GALNTL6: variants seen among roughly 807,000 people sequenced by gnomAD.
GALNTL6 encodes polypeptide N-acetylgalactosaminyltransferase like 6.
A neutral mutation model predicts 73.7 loss-of-function variants in GALNTL6; 46 were observed. The observed-to-expected ratio is 0.62, with a 90% CI of 0.49 to 0.80. The LOEUF (loss-of-function observed/expected upper bound fraction) is 0.80. GALNTL6 is among the 30% of genes least tolerant of loss of function. GALNTL6 has a pLI of 0.00. For missense variants in GALNTL6, 604 were observed against 755.0 expected (o/e 0.80, Z 2.34); for synonymous variants, 259 against 263.7 (o/e 0.98, Z 0.17).
At chr4:173,032,323 T>C (rs1261481122) in intron 12 of GALNTL6, among the ~76,000 whole-genome samples, 4 of 152,120 alleles carry the variant, frequency 2.6e-5, no homozygotes, top group Admixed American at 6.5e-5. Context: ...TGGTGGCGGA[T>C]GACTGTAGTC....
At chr4:172,644,327 A>G (rs922345598) in intron 5 of GALNTL6, among the ~76,000 whole-genome samples, 176 of 152,104 alleles carry the variant, frequency 1.2e-3, no homozygotes, top group African/African-American at 4.0e-3. Flanking sequence ...ACACACACAC[A>G]CAAACCTATG....
chr4:172,395,234 C>A (rs1267294333), intron 5 of GALNTL6, among the ~76,000 whole-genome samples: 1 of 152,112 alleles, frequency 6.6e-6, no homozygotes, highest in Non-Finnish European at 1.5e-5. Context: ...TGTAAAGTTT[C>A]ATACAATAGT....
chr4:172,599,827 CTACT>C (rs1328829438), intron 5 of GALNTL6, among the ~76,000 whole-genome samples: 1 of 152,010 alleles, frequency 6.6e-6, no homozygotes, highest in East Asian at 1.9e-4. Context: ...ATAGAAAATG[CTACT>C]TAGTCACATT....
intron 5 of GALNTL6, among the ~76,000 whole-genome samples, chr4:172,717,998 C>T (rs1468169346): frequency 1.3e-5 from 2 of 152,154 alleles, no homozygotes; most frequent in Non-Finnish European, 2.9e-5. Flanking sequence ...ATTTATACAA[C>T]TATAGTTTCA....
At chr4:172,087,369 CG>C (rs1161461118) in intron 2 of GALNTL6, among the ~76,000 whole-genome samples, 1 of 147,570 alleles carries the variant, frequency 6.8e-6, no homozygotes, top group Admixed American at 6.9e-5. Context: ...GGCGTGAACC[CG>C]GGAGGCGGAG....
chr4:172,483,691 T>C (rs530988491), intron 5 of GALNTL6, among the ~76,000 whole-genome samples: 4 of 152,200 alleles, frequency 2.6e-5, no homozygotes, highest in Non-Finnish European at 5.9e-5. Flanking sequence ...ATGACGGCAG[T>C]GACTGAAAAG....
chr4:172,609,625 C>G (rs1097572), intron 5 of GALNTL6, among the ~76,000 whole-genome samples: 47,226 of 93,398 alleles, frequency 0.51, 12,231 homozygotes, highest in East Asian at 0.67. Context: ...CTCTCTCTCT[C>G]TGTGTGTGTG....
chr4:172,442,595 A>C (rs979565678), intron 5 of GALNTL6, among the ~76,000 whole-genome samples: 44 of 152,314 alleles, frequency 2.9e-4, no homozygotes, highest in African/African-American at 9.6e-4. Context: ...AGAAAGGACA[A>C]CAAGAAAATT....
intron 2 of GALNTL6, among the ~76,000 whole-genome samples, chr4:171,863,601 T>C (rs1398301611): frequency 6.6e-6 from 1 of 152,144 alleles, no homozygotes; most frequent in Non-Finnish European, 1.5e-5. Context: ...ATAGTTGTTC[T>C]AAAGTTTCTG....
At chr4:172,134,053 G>A (rs966177385) in intron 2 of GALNTL6, among the ~76,000 whole-genome samples, 7 of 152,104 alleles carry the variant, frequency 4.6e-5, no homozygotes, top group Admixed American at 3.9e-4. Context: ...ACTTTCTATG[G>A]TAAGCTTGTT....
intron 3 of GALNTL6, among the ~76,000 whole-genome samples, chr4:172,288,063 G>C (rs902723346): frequency 1.3e-5 from 2 of 151,592 alleles, no homozygotes; most frequent in Admixed American, 6.6e-5. Flanking sequence ...GTTTCCCAGT[G>C]TACCTGTAAT....
intron 5 of GALNTL6, among the ~76,000 whole-genome samples, chr4:172,588,877 T>C (rs1481457736): frequency 3.9e-5 from 6 of 152,148 alleles, no homozygotes; most frequent in Non-Finnish European, 5.9e-5. Flanking sequence ...GCTCTAACCA[T>C]AATGAAGGCA....
At position 172,351,181 on chromosome 4, in the gene GALNTL6, G is replaced by GTCTGTCTATCTATCTA. The variant is rs139731159; in HGVS notation, c.553+2495_553+2496insGTCTATCTATCTATCT. Among the ~76,000 whole-genome samples, 941 of 122,590 alleles carry GTCTGTCTATCTATCTA rather than the reference G, an allele frequency of 7.7e-3. 6 individuals are homozygous for GTCTGTCTATCTATCTA. Among genetic ancestry groups the GTCTGTCTATCTATCTA allele is most frequent in the Middle Eastern group, 9.0e-3 (2 of 222 alleles). 80.4% of individuals were successfully genotyped at this position (122,590 alleles called of 152,430 possible). ...AATCAAATGTGATCCACAATAATCT[G>GTCTGTCTATCTATCTA]TCTATCTATCTATCTATCTATCTAT... On this transcript the variant is annotated intron_variant, in intron 5 of 12. Transcript: ENST00000506823.
rs142211860 is a variant in GALNTL6, at chr4:172,244,721, C to A, written c.247+14957C>A. On this transcript the variant is annotated intron_variant, in intron 3 of 12. Transcript: ENST00000506823. ...CATATGTTTTCTCATGCCATCAAAT[C>A]TATTCAATGGATACACAATCTCAAA... Among the ~76,000 whole-genome samples the A allele has an allele frequency of 4.8e-3, 724 of 152,236 alleles. 5 individuals are homozygous for A. The highest frequency in any genetic ancestry group is 0.017 in the African/African-American group (694 of 41,548).
chr4:172,441,900 G>T (rs1731850785), intron 5 of GALNTL6, among the ~76,000 whole-genome samples: 1 of 37,018 alleles, frequency 2.7e-5, no homozygotes, highest in African/African-American at 9.3e-5. Flanking sequence ...GATAAGAATT[G>T]ATTTTTTTTT....
chr4:172,281,433 G>A (rs1038900243), intron 3 of GALNTL6, among the ~76,000 whole-genome samples: 6 of 152,104 alleles, frequency 3.9e-5, no homozygotes, highest in South Asian at 2.1e-4. Context: ...TGATGTTCAC[G>A]CCTGTAATCC....
intron 7 of GALNTL6, among the ~76,000 whole-genome samples, chr4:172,857,871 T>C (rs1323535293): frequency 6.6e-6 from 1 of 152,108 alleles, no homozygotes; most frequent in Non-Finnish European, 1.5e-5. Flanking sequence ...TCATTTACCG[T>C]GGTAGGGGTG....
chr4:172,089,774 C>A (rs1172786746), intron 2 of GALNTL6, among the ~76,000 whole-genome samples: 1 of 152,072 alleles, frequency 6.6e-6, no homozygotes, highest in African/African-American at 2.4e-5. Flanking sequence ...CATAGGTATA[C>A]AAGTGCATGG....
chr4:171,814,872 G>A (rs1734481639), intron 2 of GALNTL6, 154 bp downstream of exon 2: 3 of 675,092 alleles, frequency 4.4e-6, no homozygotes, highest in Non-Finnish European at 7.5e-6. Flanking sequence ...TGGGGTTTAA[G>A]CAAGTAGATG....
Sources: gnomAD v4.1 joint callset for allele counts (sites outside exome capture counted in the v4.1 genomes callset) on GRCh38, gnomAD v4.1.1 for gene constraint, MANE v1.5 for transcripts, NCBI Gene and HGNC (gene_info 2026-07-23, HGNC 2026-07-21) for gene names.